The following PALLD variants were observed in gnomAD, a reference collection of about 807,000 sequenced individuals.
PALLD encodes the protein palladin, cytoskeletal associated protein, also known as palladin.
In PALLD, 61 loss-of-function variants were observed where a neutral mutation model predicts 123.5. That is an observed-to-expected ratio of 0.49 (90% CI 0.40 to 0.61). The LOEUF (loss-of-function observed/expected upper bound fraction) is 0.61, where lower values mean the gene tolerates loss of function less well. Among genes scored for constraint, PALLD ranks in the 20% least tolerant of loss-of-function variants. The probability of loss-of-function intolerance (pLI) is 0.00; values close to 1 mark genes in which losing one functional copy is unlikely to be tolerated. For missense variants in PALLD, 1,273 were observed against 1,377.0 expected (o/e 0.92, Z 1.20); for synonymous variants, 465 against 496.4 (o/e 0.94, Z 0.84).
chr4:168,819,736 C>T (rs1256245933), intron 10 of PALLD, among the ~76,000 whole-genome samples: 1 of 152,176 alleles, frequency 6.6e-6, no homozygotes, highest in African/African-American at 2.4e-5. Flanking sequence ...AAATTATTTA[C>T]ACACCCAGGT....
At chr4:168,637,349 C>T (rs1180172522) in intron 2 of PALLD, among the ~76,000 whole-genome samples, 1 of 152,088 alleles carries the variant, frequency 6.6e-6, no homozygotes, top group Non-Finnish European at 1.5e-5. Flanking sequence ...CTTTCTAGGA[C>T]AAGGGACTAC....
chr4:168,574,164 C>T (rs1769286361), intron 2 of PALLD, among the ~76,000 whole-genome samples: 1 of 152,094 alleles, frequency 6.6e-6, no homozygotes, highest in South Asian at 2.1e-4. Flanking sequence ...CTTTCAGAAA[C>T]CTCCCAAAGT....
At chr4:168,831,526 T>C (rs1357929429) in intron 10 of PALLD, among the ~76,000 whole-genome samples, 2 of 152,238 alleles carry the variant, frequency 1.3e-5, no homozygotes, top group Non-Finnish European at 2.9e-5. Flanking sequence ...TACTGCATGA[T>C]GATTTGTGCT....
chr4:168,552,821 G>A (rs1202344108), intron 2 of PALLD, among the ~76,000 whole-genome samples: 6 of 151,936 alleles, frequency 3.9e-5, no homozygotes, highest in East Asian at 1.9e-4. Context: ...GACTACAGGC[G>A]CGTGCCACCA....
intron 2 of PALLD, among the ~76,000 whole-genome samples, chr4:168,626,038 C>T (rs997528727): frequency 6.6e-6 from 1 of 151,048 alleles, no homozygotes; most frequent in Non-Finnish European, 1.5e-5. Context: ...CTGAGGCAGG[C>T]GGATCACGAG....
At chr4:168,614,043 T>G (rs558052759) in intron 2 of PALLD, among the ~76,000 whole-genome samples, 1 of 152,348 alleles carries the variant, frequency 6.6e-6, no homozygotes, top group African/African-American at 2.4e-5. Flanking sequence ...GCTTAAGTCA[T>G]GTCATAAGTA....
chr4:168,890,945 G>C lies in PALLD; in HGVS notation c.1988G>C (p.Arg663Thr), dbSNP rs1754072261. Reference sequence around the variant, plus strand: ...AGAGGATTTCCAAAGAAGGCCAGTAGAACTGCTAGAATAGCCTCCGATGAG... The same window carrying C: ...AGAGGATTTCCAAAGAAGGCCAGTACAACTGCTAGAATAGCCTCCGATGAG... ...PKLGFPKKAS[R>T]TARIASDEEI... Residue 663 changes from arginine to threonine, a missense_variant, in exon 11 of 22, where the codon AGA (arginine) becomes ACA (threonine). Physicochemically the swap from Arg to Thr is moderately conservative, Grantham distance 71 (BLOSUM62 -1). Transcript: ENST00000505667. 1 of 1,613,996 alleles carries C rather than the reference G, an allele frequency of 6.2e-7. No individual in the cohort carries two copies. The highest frequency in any genetic ancestry group is 2.2e-5 in the East Asian group (1 of 44,882).
chr4:168,608,589 A>G (rs1220592064), intron 2 of PALLD, among the ~76,000 whole-genome samples: 1 of 152,192 alleles, frequency 6.6e-6, no homozygotes, highest in Non-Finnish European at 1.5e-5. Context: ...AAGCCTCATT[A>G]GATATTTCTC....
chr4:168,542,862 C>T (rs752439692), intron 2 of PALLD, among the ~76,000 whole-genome samples: 49 of 150,720 alleles, frequency 3.3e-4, no homozygotes, highest in African/African-American at 7.1e-4. Flanking sequence ...GGCCTTGTTG[C>T]GTCATTGCCC....
intron 2 of PALLD, among the ~76,000 whole-genome samples, chr4:168,618,737 G>C (rs1774465514): frequency 6.6e-6 from 1 of 152,194 alleles, no homozygotes; most frequent in African/African-American, 2.4e-5. Flanking sequence ...AATGCCACCT[G>C]TCACTGCTGC....
Position 168,498,450 on chromosome 4 carries a change from T to A in PALLD, c.-83+1256T>A, listed in dbSNP as rs1012510612. On this transcript the variant is annotated intron_variant, in intron 1 of 21. Transcript: ENST00000505667. Reference sequence around the variant, plus strand: ...AATCACTTTGACCTCCTTACCTCATTTTTTAAAAATGTAGAGGGCAATCAT... The same window carrying A: ...AATCACTTTGACCTCCTTACCTCATATTTTAAAAATGTAGAGGGCAATCAT... 3.3e-5 allele frequency among the ~76,000 whole-genome samples: 5 copies of A among 152,344 alleles called. No homozygotes were observed. The South Asian group carries it at 8.3e-4, about 25-fold the overall frequency.
Position 168,915,904 on chromosome 4 carries a change from T to C in PALLD, c.2727T>C (p.Ser909=). 6.2e-7 allele frequency: 1 copy of C among 1,612,990 alleles called. No individual in the cohort carries two copies. Among genetic ancestry groups the C allele is most frequent in the Non-Finnish European group, 8.5e-7 (1 of 1,178,906 alleles). Residue 909 remains serine, a synonymous_variant, in exon 17 of 22, where the codon TCT becomes TCC. Transcript: ENST00000505667. The part of the protein sequence containing the change: ...SGHPHVRRPR[S]RSRDSGDENE... Reference sequence around the variant, plus strand: ...TCTTTCTTGTTTCAAGGCCTCGTTCTAGATCAAGGGACAGTGGAGACGAAA... The same window carrying C: ...TCTTTCTTGTTTCAAGGCCTCGTTCCAGATCAAGGGACAGTGGAGACGAAA...
At chr4:168,559,985 A>C (rs1022929527) in intron 2 of PALLD, among the ~76,000 whole-genome samples, 1 of 152,202 alleles carries the variant, frequency 6.6e-6, no homozygotes, top group African/African-American at 2.4e-5. Flanking sequence ...TGGCGCTTTT[A>C]AAAATAATAT....
chr4:168,847,299 C>T (rs1747006958), intron 10 of PALLD, among the ~76,000 whole-genome samples: 1 of 152,130 alleles, frequency 6.6e-6, no homozygotes, highest in South Asian at 2.1e-4. Context: ...CTAATGAGTA[C>T]TTGAAGAGAG....
At position 168,711,723 on chromosome 4, in the gene PALLD, C is replaced by T. The variant is rs2150213027; in HGVS notation, c.1764C>T (p.Asn588=). Residue 588 remains asparagine (N), a synonymous_variant, in exon 10 of 22, where the codon AAC becomes AAT. Transcript: ENST00000505667. ...AACCATCTGAGATCCAGCAGGTGAA[C>T]AACCCTGAGTTAGGCCTGAGCAGGG... ...SKKPSEIQQV[N]NPELGLSRAA... is the part of the protein sequence containing the mutation. 1 of 1,614,200 alleles carries T rather than the reference C, an allele frequency of 6.2e-7. No homozygotes were observed. The highest frequency in any genetic ancestry group is 8.5e-7 in the Non-Finnish European group (1 of 1,180,038).
chr4:168,895,189 G>A (rs1176633056), intron 12 of PALLD, among the ~76,000 whole-genome samples: 1 of 151,912 alleles, frequency 6.6e-6, no homozygotes, highest in Non-Finnish European at 1.5e-5. Context: ...CGAGACCATC[G>A]TGGCCAACAT....
At chr4:168,784,196 G>GA (rs1270247281) in intron 10 of PALLD, among the ~76,000 whole-genome samples, 1 of 152,044 alleles carries the variant, frequency 6.6e-6, no homozygotes, top group Admixed American at 6.6e-5. Flanking sequence ...CCAATGAAGA[G>GA]AAAAAATGTA....
intron 10 of PALLD, among the ~76,000 whole-genome samples, chr4:168,788,775 A>G (rs1737108630): frequency 6.6e-6 from 1 of 152,182 alleles, no homozygotes; most frequent in Non-Finnish European, 1.5e-5. Context: ...CTGTGAACCT[A>G]AAACTCTTCT....
chr4:168,857,517 T>G (rs1748779760), intron 10 of PALLD, among the ~76,000 whole-genome samples: 1 of 152,186 alleles, frequency 6.6e-6, no homozygotes, highest in African/African-American at 2.4e-5. Context: ...AAGGTAATGT[T>G]TAAAGAAGAC....
Sources: allele counts gnomAD v4.1 joint callset (sites outside exome capture counted in the v4.1 genomes callset), GRCh38; gene constraint gnomAD v4.1.1; transcripts MANE v1.5; gene names NCBI Gene and HGNC (gene_info 2026-07-23, HGNC 2026-07-21).